The following ARHGAP32 variants were observed in gnomAD, a reference collection of about 807,000 sequenced individuals.
ARHGAP32 encodes the protein Rho GTPase activating protein 32, also known as rho GTPase-activating protein 32.
In ARHGAP32, 51 loss-of-function variants were observed where a neutral mutation model predicts 186.5. That is an observed-to-expected ratio of 0.27 (90% CI 0.22 to 0.35). ARHGAP32 has a LOEUF of 0.35. Ranked by LOEUF, ARHGAP32 falls within the 10% of genes least tolerant of loss-of-function variation. ARHGAP32 has a pLI of 1.00. For missense variants in ARHGAP32, 2,186 were observed against 2,623.5 expected (o/e 0.83, Z 3.64); for synonymous variants, 950 against 964.3 (o/e 0.99, Z 0.27).
At chr11:129,103,424 CAT>C (rs145184791) in intron 5 of ARHGAP32, among the ~76,000 whole-genome samples, 108,860 of 151,570 alleles carry the variant, frequency 0.72, 39,459 homozygotes, top group South Asian at 0.84. Context: ...ATGTCAAACA[CAT>C]ATAACCATAG....
chr11:129,137,738 G>A (rs1442540083), intron 2 of ARHGAP32, among the ~76,000 whole-genome samples: 1 of 152,042 alleles, frequency 6.6e-6, no homozygotes, highest in Non-Finnish European at 1.5e-5. Context: ...GTGTGTGTCT[G>A]TGTGTTTAAA....
intron 10 of ARHGAP32, among the ~76,000 whole-genome samples, chr11:129,043,407 A>G (rs2604206): frequency 0.43 from 56,935 of 132,542 alleles, 12,603 homozygotes; most frequent in Middle Eastern, 0.58. Context: ...TTTTTGCGCA[A>G]CGGAGGTTCG....
chr11:129,025,045 T>C (rs1287322301), intron 11 of ARHGAP32, among the ~76,000 whole-genome samples: 2 of 152,222 alleles, frequency 1.3e-5, no homozygotes, highest in East Asian at 1.9e-4. Flanking sequence ...CTAATATTAA[T>C]GTAAATTCTA....
rs550780994 is a variant in ARHGAP32 at position 129,244,186 on chromosome 11, T to G, written c.-5+34960A>C. Reference sequence around the variant, plus strand: ...AACTCCATGAGGATGGTACTATTATTTCCATTTTGCAGATAAGAAAACTGA... The same window carrying G: ...AACTCCATGAGGATGGTACTATTATGTCCATTTTGCAGATAAGAAAACTGA... On this transcript the variant is annotated intron_variant, in intron 1 of 6. Coordinates refer to the ARHGAP32 transcript ENST00000525234. 3.3e-5 allele frequency among the ~76,000 whole-genome samples: 5 copies of G among 152,310 alleles called. No individual in the cohort carries two copies. The South Asian group carries it at 1.0e-3, about 32-fold the overall frequency.
intron 1 of ARHGAP32, among the ~76,000 whole-genome samples, chr11:129,263,584 G>C (rs1945352735): frequency 7.3e-6 from 1 of 136,578 alleles, no homozygotes; most frequent in South Asian, 2.7e-4. Context: ...GAAGGAGGAA[G>C]AGGAGGAGAA....
chr11:129,240,978 T>C (rs1027550463), intron 1 of ARHGAP32, among the ~76,000 whole-genome samples: 3 of 152,196 alleles, frequency 2.0e-5, no homozygotes, highest in Non-Finnish European at 4.4e-5. Flanking sequence ...GTTAAGAATA[T>C]GGACTTAGGA....
Position 128,987,934 on chromosome 11 carries a change from A to G in ARHGAP32, c.1298+89T>C, listed in dbSNP as rs1327387207. The G allele has an allele frequency of 1.7e-5, 14 of 836,774 alleles. 1 individual carries two copies. In the Admixed American group the frequency reaches 2.6e-4, roughly 16 times the overall value. The allele number at this position is 836,774 out of a possible 1,614,324, so 51.8% of individuals were successfully genotyped here. ...TTTATCTAAATTATCTTTAATGAAA[A>G]TAGGTTATCAAAGTAAGTGAATCTG... On this transcript the variant is annotated intron_variant, in intron 13 of 22. Transcript: ENST00000682385.
chr11:129,149,489 C>T (rs530681240), intron 2 of ARHGAP32, among the ~76,000 whole-genome samples: 33 of 152,300 alleles, frequency 2.2e-4, no homozygotes, highest in African/African-American at 7.9e-4. Flanking sequence ...CTAGCACCAG[C>T]GCAGAGCCTG....
intron 1 of ARHGAP32, among the ~76,000 whole-genome samples, chr11:129,237,674 G>A (rs572560416): frequency 5.1e-4 from 77 of 152,264 alleles, no homozygotes; most frequent in African/African-American, 1.8e-3. Context: ...CCAGTGTGGT[G>A]CAACAGTACG....
chr11:129,029,310 G>A (rs886572981), intron 11 of ARHGAP32, among the ~76,000 whole-genome samples: 3 of 152,150 alleles, frequency 2.0e-5, no homozygotes, highest in African/African-American at 4.8e-5. Flanking sequence ...GTTCTATAGT[G>A]GGCAGAATTC....
chr11:129,042,769 C>A (rs1341307807), intron 10 of ARHGAP32, among the ~76,000 whole-genome samples: 2 of 152,150 alleles, frequency 1.3e-5, no homozygotes, highest in Non-Finnish European at 2.9e-5. Flanking sequence ...GCAGAGAGAG[C>A]TGGAGGAGTG....
intron 1 of ARHGAP32, among the ~76,000 whole-genome samples, chr11:129,236,738 GCTTT>G (rs1440660804): frequency 6.6e-6 from 1 of 152,012 alleles, no homozygotes; most frequent in Non-Finnish European, 1.5e-5. Context: ...ATTTGGATGC[GCTTT>G]CTTTCTTTCT....
At chr11:129,183,618 T>C (rs1474396197) in intron 1 of ARHGAP32, among the ~76,000 whole-genome samples, 1 of 152,124 alleles carries the variant, frequency 6.6e-6, no homozygotes, top group Non-Finnish European at 1.5e-5. Flanking sequence ...TATTGTTTGA[T>C]ATACTATTTT....
At chr11:129,174,636 T>C (rs1943864026) in intron 1 of ARHGAP32, among the ~76,000 whole-genome samples, 2 of 152,188 alleles carry the variant, frequency 1.3e-5, no homozygotes, top group South Asian at 4.1e-4. Context: ...CCCTGACCCC[T>C]GACCCCCGAG....
intron 2 of ARHGAP32, among the ~76,000 whole-genome samples, chr11:129,154,276 C>T (rs1279956248): frequency 6.6e-6 from 1 of 152,116 alleles, no homozygotes; most frequent in East Asian, 1.9e-4. Context: ...GTTTACATTG[C>T]TGATGGGAAT....
At chr11:129,194,242 T>C (rs551099318), upstream of ARHGAP32, among the ~76,000 whole-genome samples, 1 of 152,238 alleles carries the variant, frequency 6.6e-6, no homozygotes, top group African/African-American at 2.4e-5. Flanking sequence ...ATTTCTCTTT[T>C]AGGAAATTAT....
Position 128,974,555 on chromosome 11 carries a change from G to A in ARHGAP32, c.2642C>T (p.Thr881Ile), listed in dbSNP as rs1945489464. 6.2e-7 allele frequency: 1 copy of A among 1,614,118 alleles called. No individual in the cohort carries two copies. The highest frequency in any genetic ancestry group is 8.5e-7 in the Non-Finnish European group (1 of 1,180,006). Residue 881 changes from threonine to isoleucine, a missense_variant, in exon 21 of 23, where the codon ACC becomes ATC. Coordinates refer to ENST00000682385, the MANE Select transcript of ARHGAP32 (RefSeq NM_001378024.1). Reference sequence around the variant, plus strand: ...ATCTTCAGTTGGGCTCAAGTCCAGGGTAAAGAATGGACTCAGTTTCTCCTG... The same window carrying A: ...ATCTTCAGTTGGGCTCAAGTCCAGGATAAAGAATGGACTCAGTTTCTCCTG... ...PLQEKLSPFF[T>I]LDLSPTEDKS... is the part of the protein sequence containing the mutation.
At chr11:129,012,277 A>G (rs1938120784) in intron 11 of ARHGAP32, among the ~76,000 whole-genome samples, 1 of 152,238 alleles carries the variant, frequency 6.6e-6, no homozygotes, top group Admixed American at 6.5e-5. Flanking sequence ...TCCATGTGAG[A>G]GAAAATGAGA....
intron 1 of ARHGAP32, among the ~76,000 whole-genome samples, chr11:129,169,286 T>TA (rs1339986327): frequency 3.9e-5 from 6 of 151,900 alleles, no homozygotes; most frequent in African/African-American, 1.5e-4. Flanking sequence ...GAATCTACAA[T>TA]ATAGATAATA....
Sources: gnomAD v4.1 joint callset for allele counts (sites outside exome capture counted in the v4.1 genomes callset) on GRCh38, gnomAD v4.1.1 for gene constraint, MANE v1.5 for transcripts, NCBI Gene and HGNC (gene_info 2026-07-23, HGNC 2026-07-21) for gene names.